The following NFIB variants were observed in gnomAD, a reference collection of about 807,000 sequenced individuals.
The protein encoded by NFIB is nuclear factor 1 B-type.
In NFIB, 11 loss-of-function variants were observed where a neutral mutation model predicts 61.5. The observed-to-expected ratio is 0.18, with a 90% confidence interval of 0.11 to 0.30. The LOEUF (loss-of-function observed/expected upper bound fraction) is 0.30, where lower values mean the gene tolerates loss of function less well. Among genes scored for constraint, NFIB ranks in the 10% least tolerant of loss-of-function variants. The pLI is 1.00. For synonymous variants in NFIB, 260 were observed against 216.5 expected (o/e 1.20, Z -1.76); for missense variants, 471 against 608.9 (o/e 0.77, Z 2.38).
chr9:14,223,004 TAGA>T (rs970818330), intron 2 of NFIB, among the ~76,000 whole-genome samples: 9 of 152,072 alleles, frequency 5.9e-5, no homozygotes, highest in Non-Finnish European at 8.8e-5. Context: ...TGGGCCACAC[TAGA>T]AGAAGAATTG....
rs888010773 is a variant in NFIB at position 14,139,187 on chromosome 9, C to A, written c.925+7502G>T. ...CCCTTGAACAAAGATCTAGGCTCTG[C>A]CATTCATTAGTTGGGACAGGACAGC... On this transcript the variant is annotated intron_variant, in intron 6 of 10. Transcript: ENST00000380953. Among the ~76,000 whole-genome samples the A allele has an allele frequency of 1.6e-4, 25 of 152,148 alleles. 1 individual carries two copies. The highest frequency in any genetic ancestry group is 1.6e-3 in the Admixed American group (25 of 15,264).
the NFIB span, among the ~76,000 whole-genome samples, chr9:14,406,861 A>G: frequency 1.3e-5 from 2 of 152,204 alleles, no homozygotes; most frequent in Non-Finnish European, 1.5e-5. Flanking sequence ...TGACCTCTTT[A>G]GCGATTACGT....
intron 8 of NFIB, among the ~76,000 whole-genome samples, chr9:14,117,130 G>C (rs1450982908): frequency 1.3e-5 from 2 of 152,194 alleles, no homozygotes; most frequent in Non-Finnish European, 2.9e-5. Flanking sequence ...GGGAAGCAGA[G>C]GACAAGCAAA....
At chr9:14,289,624 C>T (rs1302093064) in intron 2 of NFIB, among the ~76,000 whole-genome samples, 2 of 151,676 alleles carry the variant, frequency 1.3e-5, no homozygotes, top group African/African-American at 4.8e-5. Context: ...TACATACACA[C>T]ACATATAAAT....
chr9:14,290,961 C>T (rs764988125), intron 2 of NFIB, among the ~76,000 whole-genome samples: 1 of 152,030 alleles, frequency 6.6e-6, no homozygotes, highest in East Asian at 1.9e-4. Flanking sequence ...TTTTGTTCAC[C>T]TATTTTTCCA....
At chr9:14,414,990 T>C in the NFIB span, among the ~76,000 whole-genome samples, 2 of 152,288 alleles carry the variant, frequency 1.3e-5, no homozygotes, top group East Asian at 3.9e-4. Context: ...TCACCAAGTA[T>C]TTATTATCTC....
At chr9:14,294,740 G>C (rs1341237722) in intron 2 of NFIB, among the ~76,000 whole-genome samples, 1 of 152,192 alleles carries the variant, frequency 6.6e-6, no homozygotes, top group Non-Finnish European at 1.5e-5. Flanking sequence ...CTCCTGGCTA[G>C]AACCCCTAGG....
the NFIB span, among the ~76,000 whole-genome samples, chr9:14,419,849 C>A: frequency 1.3e-5 from 2 of 152,186 alleles, no homozygotes; most frequent in African/African-American, 4.8e-5. Context: ...AATCCATATT[C>A]AAAACCCTAG....
chr9:14,444,835 T>C, the NFIB span, among the ~76,000 whole-genome samples: 2 of 152,154 alleles, frequency 1.3e-5, no homozygotes, highest in African/African-American at 4.8e-5. Context: ...TAGAGACCCT[T>C]TTTGTGCACT....
the NFIB span, among the ~76,000 whole-genome samples, chr9:14,480,687 C>G: frequency 2.0e-5 from 3 of 152,180 alleles, no homozygotes; most frequent in African/African-American, 7.2e-5. Context: ...ATTCCCAAAG[C>G]AAAAGGAGGT....
intron 1 of NFIB, among the ~76,000 whole-genome samples, chr9:14,384,504 T>C (rs2061526702): frequency 6.6e-6 from 1 of 152,166 alleles, no homozygotes; most frequent in Non-Finnish European, 1.5e-5. Context: ...TTTTTCTCCT[T>C]TCCAAACCTG....
At chr9:14,372,133 T>C (rs2081502463) in intron 1 of NFIB, among the ~76,000 whole-genome samples, 5 of 151,276 alleles carry the variant, frequency 3.3e-5, no homozygotes, top group Admixed American at 1.3e-4. Context: ...AAAGTGGAGA[T>C]AGATATTTCC....
In NFIB at chr9:14,287,829, T is replaced by A. The variant is rs141036748; in HGVS notation, c.562+19160A>T. Among the ~76,000 whole-genome samples the A allele has an allele frequency of 2.7e-3, 406 of 152,238 alleles. 3 individuals are homozygous for A. The highest frequency in any genetic ancestry group is 8.2e-3 in the African/African-American group (341 of 41,574). On this transcript the variant is annotated intron_variant, in intron 2 of 10. Coordinates refer to ENST00000380953, the MANE Select transcript of NFIB (RefSeq NM_001190737.2). ...AAATATTTAAAGCTGGGTGTTATTT[T>A]ATTGTTGGGTGTGTCACTAGATCAG... is the stretch of plus-strand genomic sequence containing the variant.
intron 1 of NFIB, among the ~76,000 whole-genome samples, chr9:14,384,936 A>G (rs1309831134): frequency 6.6e-6 from 1 of 152,128 alleles, no homozygotes. Context: ...TCTCTTGAGT[A>G]TTTTACAGTA....
In NFIB at chr9:14,382,739, A is replaced by C. The variant is rs75151628; in HGVS notation, c.108+15785T>G. ...GTCTATCAATAGGATAACCAAAAAA[A>C]GTCATATATTCACCCAAGGGACTAT... is the stretch of plus-strand genomic sequence containing the variant. On this transcript the variant is annotated intron_variant, in intron 1 of 8. Transcript: ENST00000380934. Among the ~76,000 whole-genome samples, 285 of 152,292 alleles carry C rather than the reference A, an allele frequency of 1.9e-3. 1 individual carries two copies. Among genetic ancestry groups the C allele is most frequent in the Middle Eastern group, 3.4e-3 (1 of 294 alleles).
At chr9:14,091,288 CTGAGA>C (rs1481916801) in intron 10 of NFIB, among the ~76,000 whole-genome samples, 1 of 151,488 alleles carries the variant, frequency 6.6e-6, no homozygotes, top group Non-Finnish European at 1.5e-5. Context: ...AATTCAATGA[CTGAGA>C]TAACAATGTA....
intron 2 of NFIB, among the ~76,000 whole-genome samples, chr9:14,216,526 CTCTCTCTCTCTCTCTCCCTCTGTG>C (rs1339878846): frequency 3.6e-4 from 19 of 52,518 alleles, no homozygotes; most frequent in African/African-American, 1.4e-3. Context: ...CTCTCTCTCT[CTCTCTCTCTCTCTCTCCCTCTGTG>C]TGTGTGTGTG....
At position 14,395,191 on chromosome 9, in the gene NFIB, G is replaced by A. The variant is rs560182786; in HGVS notation, c.108+3333C>T. ...ATTGACTTTAAGCCTCCATATGTGT[G>A]CTAGCTACCCCATCGCTGCTCAGAA... On this transcript the variant is annotated intron_variant, in intron 1 of 8. Transcript: ENST00000380934. 2.0e-5 allele frequency among the ~76,000 whole-genome samples: 3 copies of A among 152,016 alleles called. No homozygotes were observed. In the East Asian group the frequency reaches 5.8e-4, roughly 30 times the overall value.
intron 1 of NFIB, among the ~76,000 whole-genome samples, chr9:14,360,717 T>G (rs1330727986): frequency 6.6e-6 from 1 of 152,042 alleles, no homozygotes; most frequent in East Asian, 1.9e-4. Flanking sequence ...GCTAATTTTT[T>G]GTATTTTTAG....
Sources: allele counts gnomAD v4.1 joint callset (sites outside exome capture counted in the v4.1 genomes callset), GRCh38; gene constraint gnomAD v4.1.1; transcripts MANE v1.5; gene names NCBI Gene and HGNC (gene_info 2026-07-23, HGNC 2026-07-21).